TYW1: variants seen among roughly 807,000 people sequenced by gnomAD.
The protein encoded by TYW1 is S-adenosyl-L-methionine-dependent tRNA 4-demethylwyosine synthase TYW1.
In TYW1, 46 loss-of-function variants were observed where a neutral mutation model predicts 96.2. The ratio of observed to expected loss-of-function variants is 0.48; its 90% CI spans 0.38 to 0.61. TYW1 has a LOEUF of 0.61. TYW1 is among the 20% of genes least tolerant of loss of function. TYW1 has a pLI of 0.00. For synonymous variants in TYW1, 274 were observed against 323.0 expected, an observed-to-expected ratio of 0.85 and a Z score of 1.63; for missense variants, 684 against 909.6, an observed-to-expected ratio of 0.75 and a Z score of 3.19.
At chr7:67,017,764 C>T (rs1390079292) in intron 5 of TYW1, 89 bp from the exon 6 acceptor site, 1 of 1,516,826 alleles carries the variant, frequency 6.6e-7, no homozygotes, top group Non-Finnish European at 8.8e-7. Flanking sequence ...GACCAGGGGC[C>T]TCGGAAGGAC....
chr7:67,061,694 A>G (rs569514327), intron 9 of TYW1, among the ~76,000 whole-genome samples: 2 of 152,310 alleles, frequency 1.3e-5, no homozygotes, highest in Admixed American at 1.3e-4. Flanking sequence ...TTGAGAGCAG[A>G]TTTTTATTGA....
At chr7:67,221,527 T>G (rs1212872273) in intron 15 of TYW1, among the ~76,000 whole-genome samples, 3 of 152,234 alleles carry the variant, frequency 2.0e-5, no homozygotes, top group African/African-American at 7.2e-5. Flanking sequence ...TTCTGTCATT[T>G]TGTTATTTCT....
intron 7 of TYW1, among the ~76,000 whole-genome samples, chr7:67,045,497 C>G (rs1242483648): frequency 2.6e-5 from 4 of 152,196 alleles, no homozygotes; most frequent in East Asian, 3.8e-4. Context: ...GGTTTACAGG[C>G]ATGAGCCACT....
chr7:67,046,293 T>G (rs1301864146), intron 7 of TYW1, among the ~76,000 whole-genome samples: 1 of 152,118 alleles, frequency 6.6e-6, no homozygotes, highest in African/African-American at 2.4e-5. Context: ...GGTTGACTTT[T>G]TAGTTCTGAT....
chr7:67,145,492 A>G (rs1798582176), intron 13 of TYW1, among the ~76,000 whole-genome samples: 1 of 152,090 alleles, frequency 6.6e-6, no homozygotes, highest in Admixed American at 6.6e-5. Flanking sequence ...GATGTGTAAC[A>G]CATTTTAATT....
chr7:67,191,468 G>C (rs142198795), intron 14 of TYW1, among the ~76,000 whole-genome samples: 4 of 151,722 alleles, frequency 2.6e-5, no homozygotes, highest in Non-Finnish European at 5.9e-5. Flanking sequence ...CCATCACCAC[G>C]CTGTACCCAT....
chr7:67,238,956 T>A lies in TYW1; in HGVS notation c.*427T>A. On this transcript the variant is annotated 3_prime_UTR_variant, in exon 16 of 16. Coordinates refer to ENST00000359626, the MANE Select transcript of TYW1 (RefSeq NM_018264.4). ...CACTTAGCATTGAATTGCACTACCC[T>A]GAGCTAAACGTGTCTGTGCTTTCTA... The A allele has an allele frequency of 9.9e-7, 1 of 1,011,972 alleles. No homozygotes were observed. Among genetic ancestry groups the A allele is most frequent in the South Asian group, 4.1e-5 (1 of 24,356 alleles). 62.7% of individuals were successfully genotyped at this position (1,011,972 alleles called of 1,614,324 possible). A position where few individuals can be genotyped will look rare whatever the true frequency, so the allele number is the denominator to read the frequency against.
chr7:67,223,219 A>G (rs12155193), intron 15 of TYW1, among the ~76,000 whole-genome samples: 58,662 of 151,846 alleles, frequency 0.39, 12,184 homozygotes, highest in African/African-American at 0.54. Flanking sequence ...TTTTGGATGG[A>G]CCGTATATCA....
Position 67,025,025 on chromosome 7 carries a change from A to G in TYW1, c.984+3A>G, listed in dbSNP as rs558600781. On this transcript the variant is annotated splice_donor_region_variant and intron_variant, in intron 7 of 15. Coordinates refer to ENST00000359626, the MANE Select transcript of TYW1 (RefSeq NM_018264.4). ...TGGATCATGTGAAGAAAGAAAAGGT[A>G]CCGTTACTTTGGGAAATGTTGCACT... The G allele has an allele frequency of 6.2e-6, 10 of 1,613,498 alleles. No homozygotes were observed. Among genetic ancestry groups the G allele is most frequent in the Admixed American group, 3.3e-5 (2 of 59,928 alleles).
At chr7:67,210,403 T>TA (rs1800959940) in intron 15 of TYW1, among the ~76,000 whole-genome samples, 1 of 152,184 alleles carries the variant, frequency 6.6e-6, no homozygotes, top group African/African-American at 2.4e-5. Flanking sequence ...ACTGAGGCAG[T>TA]ATTTGTCAGG....
At chr7:67,220,596 A>G (rs1387375989) in intron 15 of TYW1, among the ~76,000 whole-genome samples, 4 of 152,114 alleles carry the variant, frequency 2.6e-5, no homozygotes, top group Admixed American at 2.6e-4. Context: ...TTGGTAGCCT[A>G]ACTTACCGCC....
At chr7:67,092,674 C>CTTTTTTT (rs3980762) in intron 11 of TYW1, among the ~76,000 whole-genome samples, 1 of 92,448 alleles carries the variant, frequency 1.1e-5, no homozygotes, top group African/African-American at 3.9e-5. Flanking sequence ...CTATCACCTT[C>CTTTTTTT]TTTTTTTTTT....
intron 15 of TYW1, among the ~76,000 whole-genome samples, chr7:67,236,966 A>G (rs1262943883): frequency 6.6e-6 from 1 of 151,940 alleles, no homozygotes; most frequent in Non-Finnish European, 1.5e-5. Context: ...GCTCACTGCA[A>G]CCTCCACCTC....
chr7:67,169,741 A>G (rs1223939279), intron 13 of TYW1, among the ~76,000 whole-genome samples: 4 of 152,120 alleles, frequency 2.6e-5, no homozygotes, highest in African/African-American at 7.2e-5. Context: ...TCTTGGATGG[A>G]TATGTACTAT....
intron 10 of TYW1, among the ~76,000 whole-genome samples, chr7:67,076,406 A>G (rs1185358264): frequency 6.6e-6 from 1 of 152,210 alleles, no homozygotes; most frequent in Non-Finnish European, 1.5e-5. Context: ...CATTTCTAAC[A>G]ATGCACAACT....
At chr7:67,004,522 G>A (rs1793505219) in intron 3 of TYW1, among the ~76,000 whole-genome samples, 1 of 152,212 alleles carries the variant, frequency 6.6e-6, no homozygotes, top group Admixed American at 6.5e-5. Context: ...GCCCTCACCA[G>A]ATGTAGTTGT....
intron 11 of TYW1, among the ~76,000 whole-genome samples, chr7:67,083,782 C>T (rs1473932891): frequency 6.6e-6 from 1 of 152,210 alleles, no homozygotes; most frequent in East Asian, 1.9e-4. Context: ...CGCCTGTAAT[C>T]CCAGCACTTT....
At chr7:67,025,589 T>G (rs1040443296) in intron 7 of TYW1, among the ~76,000 whole-genome samples, 1 of 152,110 alleles carries the variant, frequency 6.6e-6, no homozygotes, top group Admixed American at 6.6e-5. Flanking sequence ...CTAAGTGGTG[T>G]TGGGGCTTAA....
intron 11 of TYW1, among the ~76,000 whole-genome samples, chr7:67,085,404 C>T (rs933740320): frequency 6.6e-6 from 1 of 152,152 alleles, no homozygotes; most frequent in East Asian, 1.9e-4. Flanking sequence ...GGCTCTTCCC[C>T]CTTTGCTCTG....
Sources: gnomAD v4.1 joint callset for allele counts (sites outside exome capture counted in the v4.1 genomes callset) on GRCh38, gnomAD v4.1.1 for gene constraint, MANE v1.5 for transcripts, NCBI Gene and HGNC (gene_info 2026-07-23, HGNC 2026-07-21) for gene names.